Variants in DPYD observed in about 807,000 individuals in gnomAD.
DPYD encodes dihydropyrimidine dehydrogenase.
DPYD carries 109 observed loss-of-function variants against 116.2 expected under a neutral mutation model. The observed-to-expected ratio is 0.94, with a 90% CI of 0.80 to 1.10. The LOEUF is 1.10. Among genes scored for constraint, DPYD ranks in the 50% least tolerant of loss-of-function variants. DPYD has a pLI of 0.00. For synonymous variants in DPYD, 440 were observed against 432.0 expected (o/e 1.02, Z -0.23); for missense variants, 1,302 against 1,254.5 (o/e 1.04, Z -0.57).
At chr1:97,256,851 A>G (rs765154024) in intron 18 of DPYD, among the ~76,000 whole-genome samples, 33 of 152,124 alleles carry the variant, frequency 2.2e-4, no homozygotes, top group Non-Finnish European at 4.0e-4. Context: ...AAATCTGTCA[A>G]TAGTTGGAAC....
chr1:97,623,655 A>T (rs1356313593), intron 8 of DPYD, among the ~76,000 whole-genome samples: 1 of 152,060 alleles, frequency 6.6e-6, no homozygotes. Context: ...AACCATTGAA[A>T]AACCCTGAAT....
Position 97,721,517 on chromosome 1 carries a change from G to A in DPYD, c.476C>T (p.Ala159Val). ...PINIGGLQQF[A>V]TEVFKAMSIP... ...CGTGTATATCATACATACCTCAGTA[G>A]CAAATTGCTGCAATCCACCAATATT... The change falls in exon 5 of 23, where the codon GCT becomes GTT. Residue 159 changes from alanine (A) to valine (V), a missense_variant. Physicochemically the swap from Ala to Val is moderately conservative, Grantham distance 64. Transcript: ENST00000370192. The A allele has an allele frequency of 6.2e-7, 1 of 1,611,100 alleles. No homozygotes were observed. The highest frequency in any genetic ancestry group is 8.5e-7 in the Non-Finnish European group (1 of 1,177,978).
chr1:97,751,655 T>C (rs1296929107), intron 3 of DPYD, among the ~76,000 whole-genome samples: 1 of 151,288 alleles, frequency 6.6e-6, no homozygotes, highest in Non-Finnish European at 1.5e-5. Context: ...TCTACTTTAG[T>C]CACAGCTGTA....
intron 3 of DPYD, among the ~76,000 whole-genome samples, chr1:97,746,277 T>C (rs1164963579): frequency 1.3e-5 from 2 of 152,158 alleles, no homozygotes; most frequent in Admixed American, 1.3e-4. Flanking sequence ...CTAGTTTTAT[T>C]ACAATTTTAA....
chr1:97,119,332 C>T (rs1235375611), intron 20 of DPYD, among the ~76,000 whole-genome samples: 2 of 152,116 alleles, frequency 1.3e-5, no homozygotes. Context: ...ACGAGTGTCC[C>T]GCTTTGCAGC....
intron 21 of DPYD, among the ~76,000 whole-genome samples, chr1:97,092,040 G>T (rs956742093): frequency 1.3e-5 from 2 of 152,028 alleles, no homozygotes; most frequent in Non-Finnish European, 2.9e-5. Flanking sequence ...CACTTTTTTA[G>T]GTGTTTGCCC....
At chr1:97,752,617 T>C (rs1023883226) in intron 3 of DPYD, among the ~76,000 whole-genome samples, 2 of 152,158 alleles carry the variant, frequency 1.3e-5, no homozygotes, top group Non-Finnish European at 1.5e-5. Context: ...TAGTTCCATG[T>C]GTAGGTCATT....
intron 11 of DPYD, among the ~76,000 whole-genome samples, chr1:97,557,059 G>A (rs1359131427): frequency 2.0e-5 from 3 of 151,766 alleles, no homozygotes; most frequent in Non-Finnish European, 4.4e-5. Flanking sequence ...TAACTGGTGT[G>A]AGGTGGTATC....
intron 5 of DPYD, chr1:97,720,300 G>A (rs1662851425): frequency 1.0e-6 from 1 of 985,102 alleles, no homozygotes; most frequent in African/African-American, 1.8e-5. Context: ...TTCACTTACT[G>A]CATCTGTGAA....
At chr1:97,389,424 A>G (rs1254851858) in intron 14 of DPYD, among the ~76,000 whole-genome samples, 2 of 139,450 alleles carry the variant, frequency 1.4e-5, no homozygotes, top group African/African-American at 5.3e-5. Flanking sequence ...TATTTATGAA[A>G]AATATGATTA....
intron 3 of DPYD, among the ~76,000 whole-genome samples, chr1:97,770,236 A>G (rs1370771408): frequency 6.6e-6 from 1 of 151,914 alleles, no homozygotes; most frequent in Non-Finnish European, 1.5e-5. Flanking sequence ...TTAATTCATA[A>G]AAGTCTTATT....
At chr1:97,699,292 A>G (rs1661463077) in intron 6 of DPYD, 59 bp downstream of exon 6, 5 of 1,526,294 alleles carry the variant, frequency 3.3e-6, no homozygotes, top group Admixed American at 1.7e-5. Flanking sequence ...AACAATATTC[A>G]TAATTGTTTT....
chr1:97,487,389 T>C (rs900687820), intron 13 of DPYD, among the ~76,000 whole-genome samples: 1 of 152,120 alleles, frequency 6.6e-6, no homozygotes, highest in Admixed American at 6.5e-5. Context: ...AAAATGACAA[T>C]GAGGCCAGGC....
intron 20 of DPYD, among the ~76,000 whole-genome samples, chr1:97,160,644 C>T (rs530637876): frequency 6.6e-6 from 1 of 152,166 alleles, no homozygotes; most frequent in South Asian, 2.1e-4. Context: ...TAAAATTTCT[C>T]TTATTGTCAC....
intron 3 of DPYD, among the ~76,000 whole-genome samples, chr1:97,767,221 G>A (rs1367727092): frequency 6.6e-6 from 1 of 152,136 alleles, no homozygotes; most frequent in East Asian, 1.9e-4. Context: ...TCTGGGTTTG[G>A]ATTGGGCATA....
intron 18 of DPYD, among the ~76,000 whole-genome samples, chr1:97,256,652 T>C (rs1184053966): frequency 2.6e-5 from 4 of 152,112 alleles, no homozygotes; most frequent in Non-Finnish European, 5.9e-5. Flanking sequence ...GTATAAATTA[T>C]CCAGTCTCAG....
chr1:97,840,254 A>C (rs982395834), intron 2 of DPYD, among the ~76,000 whole-genome samples: 4 of 152,092 alleles, frequency 2.6e-5, no homozygotes, highest in East Asian at 1.9e-4. Context: ...ACAAAAAAAA[A>C]CCCAGAACAC....
chr1:97,691,754 T>A lies in DPYD; in HGVS notation c.725A>T (p.Asn242Ile). ...GTCCTTCATTAGCTCAATCTCAAAA[T>A]TCACTACATCATACGGCAGCCGGAA... is the stretch of plus-strand genomic sequence containing the variant. ...PQFRLPYDVV[N>I]FEIELMKDLG... Residue 242 changes from asparagine to isoleucine, a missense_variant, in exon 7 of 23, where the codon AAT becomes ATT. Asn to Ile is a moderately radical substitution (Grantham distance 149, BLOSUM62 -3). Coordinates refer to ENST00000370192, the MANE Select transcript of DPYD (RefSeq NM_000110.4). 6.2e-7 allele frequency: 1 copy of A among 1,613,764 alleles called. No individual in the cohort carries two copies. Among genetic ancestry groups the A allele is most frequent in the Non-Finnish European group, 8.5e-7 (1 of 1,179,808 alleles).
chr1:97,530,680 TA>T (rs1649551672), intron 12 of DPYD, among the ~76,000 whole-genome samples: 2 of 152,334 alleles, frequency 1.3e-5, no homozygotes, highest in Admixed American at 1.3e-4. Flanking sequence ...AGTTCTATTT[TA>T]AATTTTTTGA....
Sources: allele counts gnomAD v4.1 joint callset (sites outside exome capture counted in the v4.1 genomes callset), GRCh38; gene constraint gnomAD v4.1.1; transcripts MANE v1.5; gene names NCBI Gene and HGNC (gene_info 2026-07-23, HGNC 2026-07-21).